The following FLT3 variants were observed in gnomAD, a reference collection of about 807,000 sequenced individuals.
FLT3 encodes the protein receptor-type tyrosine-protein kinase FLT3.
Under a neutral mutation model 126.6 loss-of-function variants are expected in FLT3, and 46 were observed. That is an observed-to-expected ratio of 0.36 (90% confidence interval 0.29 to 0.46). The LOEUF (loss-of-function observed/expected upper bound fraction) is 0.46, where lower values mean the gene tolerates loss of function less well. Among genes scored for constraint, FLT3 ranks in the 20% least tolerant of loss-of-function variants. FLT3 has a pLI of 1.00. For synonymous variants in FLT3, 404 were observed against 434.4 expected (o/e 0.93, Z 0.87); for missense variants, 1,069 against 1,190.3 (o/e 0.90, Z 1.50).
rs762424747 is a variant in FLT3, at chr13:28,049,434, G to T, written c.986C>A (p.Thr329Asn). 2.5e-6 allele frequency: 4 copies of T among 1,613,986 alleles called. No homozygotes were observed. The highest frequency in any genetic ancestry group is 3.4e-6 in the Non-Finnish European group (4 of 1,179,968). Residue 329 changes from threonine to asparagine, a missense_variant, in exon 8 of 24, where the codon ACT becomes AAT. Physicochemically the swap from Thr to Asn is moderately conservative, Grantham distance 65 (BLOSUM62 0). Coordinates refer to ENST00000241453, the MANE Select transcript of FLT3 (RefSeq NM_004119.3). ...ACTGGGATGCTTTGAAGAGGAACAA[G>T]TGTAGTATCCGGTGTCGTTTCTTGC... is the stretch of plus-strand genomic sequence containing the variant. ...SVARNDTGYY[T>N]CSSSKHPSQS... is the part of the protein sequence containing the mutation.
intron 5 of FLT3, among the ~76,000 whole-genome samples, chr13:28,051,807 A>G (rs1875505811): frequency 6.6e-6 from 1 of 151,816 alleles, no homozygotes; most frequent in Admixed American, 6.6e-5. Flanking sequence ...TGGCCTCCCA[A>G]AGTGCTGGGA....
At chr13:28,042,506 G>GAA (rs10678675) in intron 9 of FLT3, among the ~76,000 whole-genome samples, 137,091 of 151,914 alleles carry the variant, frequency 0.9, 62,018 homozygotes, top group South Asian at 0.97. Context: ...GGCAATTTCA[G>GAA]AAAAAGAAGG....
At chr13:28,010,410 G>A (rs1005541881) in intron 23 of FLT3, among the ~76,000 whole-genome samples, 2 of 152,208 alleles carry the variant, frequency 1.3e-5, no homozygotes, top group Admixed American at 6.5e-5. Context: ...AAGTGTTAAT[G>A]AGAATTCAGA....
chr13:28,050,921 C>A (rs9507987), intron 5 of FLT3, among the ~76,000 whole-genome samples: 29,204 of 152,004 alleles, frequency 0.19, 2,906 homozygotes, highest in Middle Eastern at 0.29. Context: ...TTAACTTTGG[C>A]ATATATGAAA....
intron 23 of FLT3, among the ~76,000 whole-genome samples, chr13:28,014,014 G>A (rs1472215849): frequency 6.6e-6 from 1 of 152,070 alleles, no homozygotes; most frequent in Non-Finnish European, 1.5e-5. Context: ...CTCATGCCCT[G>A]TGATCCCAGC....
intron 18 of FLT3, 133 bp downstream of exon 18, chr13:28,024,728 G>A (rs1028677386): frequency 9.6e-6 from 6 of 624,036 alleles, no homozygotes; most frequent in South Asian, 2.2e-5. Context: ...ATACAAACTG[G>A]CTTTTAGCTA....
chr13:28,013,951 T>G (rs1201212608), intron 23 of FLT3, among the ~76,000 whole-genome samples: 2 of 151,776 alleles, frequency 1.3e-5, no homozygotes, highest in Non-Finnish European at 2.9e-5. Context: ...AGGAAAGGTG[T>G]TTTTTTTCCC....
At chr13:28,035,114 G>A (rs913062160) in intron 12 of FLT3, among the ~76,000 whole-genome samples, 1 of 152,154 alleles carries the variant, frequency 6.6e-6, no homozygotes, top group Non-Finnish European at 1.5e-5. Context: ...TTTAACTTAG[G>A]AGGGCTCTAA....
intron 23 of FLT3, among the ~76,000 whole-genome samples, chr13:28,006,308 G>A (rs7317540): frequency 1.6e-5 from 1 of 60,888 alleles, no homozygotes; most frequent in African/African-American, 7.7e-5. Flanking sequence ...CTAGAAAATT[G>A]TGTGTGTGTG....
intron 5 of FLT3, 68 bp downstream of exon 5, chr13:28,052,457 AAATTTTACATACAGCTTGAT>A: frequency 7.4e-7 from 1 of 1,345,290 alleles, no homozygotes; most frequent in Non-Finnish European, 1.0e-6. Flanking sequence ...AGCATAAATT[AAATTTTACATACAGCTTGAT>A]GTCAACTACA....
intron 2 of FLT3, among the ~76,000 whole-genome samples, chr13:28,063,048 T>C (rs1430284326): frequency 7.2e-6 from 1 of 139,814 alleles, no homozygotes; most frequent in African/African-American, 2.6e-5. Context: ...ATTTTTGTGA[T>C]TGTTGGTATA....
rs143322134 is a variant in FLT3, at chr13:28,060,466, T to A, written c.368+1401A>T. ...TAATTGTAAATAAGGTAAAAATATT[T>A]AAAAAAAAAAAAAAGAAAAAGGAAA... is the stretch of plus-strand genomic sequence containing the variant. On this transcript the variant is annotated intron_variant, in intron 3 of 23. Coordinates refer to ENST00000241453, the MANE Select transcript of FLT3 (RefSeq NM_004119.3). Among the ~76,000 whole-genome samples the A allele has an allele frequency of 1.8e-3, 237 of 135,302 alleles. 1 individual carries two copies. Among genetic ancestry groups the A allele is most frequent in the African/African-American group, 3.9e-3 (141 of 36,502 alleles). 88.8% of individuals were successfully genotyped at this position (135,302 alleles called of 152,430 possible). A position where few individuals can be genotyped will look rare whatever the true frequency, so the allele number is the denominator to read the frequency against.
At chr13:28,044,473 CAAAGA>C (rs138096413) in intron 9 of FLT3, among the ~76,000 whole-genome samples, 3,175 of 148,444 alleles carry the variant, frequency 0.021, 96 homozygotes, top group African/African-American at 0.073. Flanking sequence ...AAGGCAAAAA[CAAAGA>C]AAAGTGGAAA....
chr13:28,023,310 ATC>A lies in FLT3; in HGVS notation c.2418+38_2418+39del, dbSNP rs35829721. On this transcript the variant is annotated intron_variant, in intron 19 of 23. Transcript: ENST00000241453. Reference sequence around the variant, plus strand: ...AACATATATAAGCACATCTTTTCAAATCTTTTTTTTGGTTTGTTTTTTCTTTA... The same window carrying A: ...AACATATATAAGCACATCTTTTCAAATTTTTTTTGGTTTGTTTTTTCTTTA... 289,705 of 1,579,272 alleles carry A rather than the reference ATC, an allele frequency of 0.18. 28,370 individuals are homozygous for A. Among genetic ancestry groups the A allele is most frequent in the Middle Eastern group, 0.24 (1,413 of 5,852 alleles).
chr13:28,045,428 T>A (rs1241118257), intron 9 of FLT3, among the ~76,000 whole-genome samples: 1 of 152,172 alleles, frequency 6.6e-6, no homozygotes, highest in East Asian at 1.9e-4. Flanking sequence ...CCCATAATGC[T>A]AAGAGCTTAT....
rs1408521247 is a variant in FLT3 at position 28,049,313 on chromosome 13, C to G, written c.1036+71G>C. 3 of 1,346,234 alleles carry G rather than the reference C, an allele frequency of 2.2e-6. No individual in the cohort carries two copies. In the East Asian group the frequency reaches 6.9e-5, roughly 31 times the overall value. The allele number at this position is 1,346,234 out of a possible 1,614,324, so 83.4% of individuals were successfully genotyped here. On this transcript the variant is annotated intron_variant, in intron 8 of 23. Transcript: ENST00000241453. ...CATTATATTGAAATCAGAATTTGTA[C>G]CACATACTTCACATTCCACACTACA...
intron 1 of FLT3, among the ~76,000 whole-genome samples, chr13:28,081,844 C>CTTTTTTTTTTTTTTT (rs35243277): frequency 6.2e-5 from 4 of 64,974 alleles, no homozygotes; most frequent in Non-Finnish European, 1.1e-4. Context: ...TACTTTGATT[C>CTTTTTTTTTTTTTTT]TTTTTTTTTT....
chr13:28,076,177 T>A (rs559821048), intron 1 of FLT3, among the ~76,000 whole-genome samples: 1 of 152,242 alleles, frequency 6.6e-6, no homozygotes, highest in African/African-American at 2.4e-5. Context: ...ATCCATGCAA[T>A]TAACAAATAT....
At chr13:28,051,621 T>C (rs1346750238) in intron 5 of FLT3, among the ~76,000 whole-genome samples, 1 of 149,582 alleles carries the variant, frequency 6.7e-6, no homozygotes, top group Non-Finnish European at 1.5e-5. Context: ...CTCGGCTTAC[T>C]GCAAGCTCTG....
Sources: allele counts gnomAD v4.1 joint callset (sites outside exome capture counted in the v4.1 genomes callset), GRCh38; gene constraint gnomAD v4.1.1; transcripts MANE v1.5; gene names NCBI Gene and HGNC (gene_info 2026-07-23, HGNC 2026-07-21).